The following SH3RF3 variants were observed in gnomAD, a reference collection of about 807,000 sequenced individuals.
The protein encoded by SH3RF3 is E3 ubiquitin-protein ligase SH3RF3.
SH3RF3 carries 29 observed loss-of-function variants against 66.3 expected under a neutral mutation model. The observed-to-expected ratio is 0.44, with a 90% CI of 0.33 to 0.60. The LOEUF (loss-of-function observed/expected upper bound fraction) is 0.60, where lower values mean the gene tolerates loss of function less well. Among genes scored for constraint, SH3RF3 ranks in the 20% least tolerant of loss-of-function variants. The pLI is 0.04. For missense variants in SH3RF3, 1,194 were observed against 1,190.9 expected (o/e 1.00, Z -0.04); for synonymous variants, 583 against 532.0 (o/e 1.10, Z -1.32).
At chr2:109,289,469 G>A (rs1313201771) in intron 1 of SH3RF3, among the ~76,000 whole-genome samples, 3 of 152,206 alleles carry the variant, frequency 2.0e-5, no homozygotes, top group Non-Finnish European at 4.4e-5. Context: ...GCAGGAAATG[G>A]TCTGGGTGGT....
chr2:109,325,331 C>CTTTTTTT (rs11298946), intron 1 of SH3RF3, among the ~76,000 whole-genome samples: 42 of 66,230 alleles, frequency 6.3e-4, no homozygotes, highest in African/African-American at 1.1e-3. Flanking sequence ...TTCTTTCTTT[C>CTTTTTTT]TTTTTTTTTT....
chr2:109,267,760 C>T (rs1294913013), intron 1 of SH3RF3, among the ~76,000 whole-genome samples: 1 of 152,250 alleles, frequency 6.6e-6, no homozygotes, highest in African/African-American at 2.4e-5. Context: ...AGACAGAACA[C>T]AGTTCTGCGT....
chr2:109,390,585 G>T (rs866109148), intron 3 of SH3RF3, among the ~76,000 whole-genome samples: 6 of 152,212 alleles, frequency 3.9e-5, no homozygotes, highest in South Asian at 2.1e-4. Flanking sequence ...GTGAGGACTA[G>T]GGTGGGATCC....
At chr2:109,314,467 G>T (rs1681822303) in intron 1 of SH3RF3, among the ~76,000 whole-genome samples, 1 of 152,164 alleles carries the variant, frequency 6.6e-6, no homozygotes, top group East Asian at 1.9e-4. Context: ...GGGAAAGCAG[G>T]TCAGCCTGAA....
At chr2:109,155,594 C>T (rs957732654) in intron 1 of SH3RF3, among the ~76,000 whole-genome samples, 1 of 152,164 alleles carries the variant, frequency 6.6e-6, no homozygotes, top group Non-Finnish European at 1.5e-5. Flanking sequence ...AGCCACCGTG[C>T]CTGGCCGGAT....
At chr2:109,291,580 C>T (rs1192945291) in intron 1 of SH3RF3, among the ~76,000 whole-genome samples, 7 of 152,222 alleles carry the variant, frequency 4.6e-5, no homozygotes, top group African/African-American at 1.7e-4. Context: ...CTGCCACTGT[C>T]CCTGTGATCT....
chr2:109,432,415 A>G, intron 5 of SH3RF3, 86 bp from the exon 6 acceptor site: 1 of 1,545,922 alleles, frequency 6.5e-7, no homozygotes, highest in Non-Finnish European at 8.7e-7. Flanking sequence ...GGGTTCCTCC[A>G]AAGACAACCT....
chr2:109,501,777 C>A lies in SH3RF3; in HGVS notation c.*106C>A. On this transcript the variant is annotated 3_prime_UTR_variant, in exon 10 of 10. Transcript: ENST00000309415. ...CGCCCCAAGGGTTCCAGGTCATCTC[C>A]AAGGCACCTGGCGGGGGATACCCTG... is the stretch of plus-strand genomic sequence containing the variant. 1 of 638,120 alleles carries A rather than the reference C, an allele frequency of 1.6e-6. No individual in the cohort carries two copies. The allele number at this position is 638,120 out of a possible 1,614,324, so 39.5% of individuals were successfully genotyped here.
chr2:109,474,849 A>G (rs1043546556), intron 8 of SH3RF3, among the ~76,000 whole-genome samples: 1 of 152,110 alleles, frequency 6.6e-6, no homozygotes, highest in Non-Finnish European at 1.5e-5. Flanking sequence ...CAAAGTCTAC[A>G]CTCACTCATA....
chr2:109,203,607 C>A (rs1431377161), intron 1 of SH3RF3, among the ~76,000 whole-genome samples: 1 of 152,140 alleles, frequency 6.6e-6, no homozygotes, highest in African/African-American at 2.4e-5. Context: ...CTCCACTTTC[C>A]CTTTGCACGA....
chr2:109,393,980 G>A (rs1676074533), intron 3 of SH3RF3, among the ~76,000 whole-genome samples: 2 of 152,088 alleles, frequency 1.3e-5, no homozygotes, highest in Non-Finnish European at 2.9e-5. Flanking sequence ...TCCAGGGCTG[G>A]CCGCACCTCC....
intron 1 of SH3RF3, among the ~76,000 whole-genome samples, chr2:109,318,474 T>C (rs955738320): frequency 6.6e-6 from 1 of 152,184 alleles, no homozygotes; most frequent in Non-Finnish European, 1.5e-5. Flanking sequence ...CATACGCGTT[T>C]ATCTGAGTGA....
At chr2:109,494,835 TTC>T (rs1679219301) in intron 9 of SH3RF3, among the ~76,000 whole-genome samples, 1 of 152,146 alleles carries the variant, frequency 6.6e-6, no homozygotes, top group Non-Finnish European at 1.5e-5. Flanking sequence ...AACCATCTCT[TTC>T]AAGACTCTGG....
At chr2:109,400,195 A>C (rs1676267692) in intron 4 of SH3RF3, among the ~76,000 whole-genome samples, 1 of 152,134 alleles carries the variant, frequency 6.6e-6, no homozygotes, top group South Asian at 2.1e-4. Context: ...CAGCCTAGAA[A>C]TGCCCCCTAC....
rs915287488 is a variant in SH3RF3, at chr2:109,147,196, G to A, written c.573+17083G>A. Among the ~76,000 whole-genome samples the A allele has an allele frequency of 2.6e-5, 4 of 152,104 alleles. No individual in the cohort carries two copies. In the East Asian group the frequency reaches 5.8e-4, roughly 22 times the overall value. ...CTCAAGGTGCCTGGGAGAAAAGACCGGGATGCCTGGACTTTCTTGGAATTA... is the reference window on the plus strand; with the variant it reads ...CTCAAGGTGCCTGGGAGAAAAGACCAGGATGCCTGGACTTTCTTGGAATTA... On this transcript the variant is annotated intron_variant, in intron 1 of 9. Transcript: ENST00000309415.
intron 3 of SH3RF3, among the ~76,000 whole-genome samples, chr2:109,391,439 C>T (rs571347319): frequency 1.3e-5 from 2 of 152,308 alleles, no homozygotes; most frequent in African/African-American, 4.8e-5. Flanking sequence ...CCCATGGGCT[C>T]GGGCCTTCAC....
chr2:109,497,460 T>A (rs911214504), intron 9 of SH3RF3, among the ~76,000 whole-genome samples: 1 of 152,228 alleles, frequency 6.6e-6, no homozygotes, highest in African/African-American at 2.4e-5. Context: ...TCATTCTGAT[T>A]TTGCCCATTT....
chr2:109,270,607 C>T (rs979235553), intron 1 of SH3RF3, among the ~76,000 whole-genome samples: 3 of 152,114 alleles, frequency 2.0e-5, no homozygotes, highest in Admixed American at 6.5e-5. Context: ...CAGGAGGCCA[C>T]GGGTGCAGGG....
At chr2:109,432,312 C>G (rs1051833197) in intron 5 of SH3RF3, among the ~76,000 whole-genome samples, 189 bp from the exon 6 acceptor site, 2 of 152,140 alleles carry the variant, frequency 1.3e-5, no homozygotes, top group Non-Finnish European at 2.9e-5. Context: ...CTCCCTGCCT[C>G]GTGGGTTTGT....
Sources: allele counts gnomAD v4.1 joint callset (sites outside exome capture counted in the v4.1 genomes callset), GRCh38; gene constraint gnomAD v4.1.1; transcripts MANE v1.5; gene names NCBI Gene and HGNC (gene_info 2026-07-23, HGNC 2026-07-21).